Variants in TACC1 observed in about 807,000 individuals in gnomAD.
The protein encoded by TACC1 is transforming acidic coiled-coil containing protein 1.
A neutral mutation model predicts 84.4 loss-of-function variants in TACC1; 48 were observed. The ratio of observed to expected loss-of-function variants is 0.57; its 90% CI spans 0.45 to 0.72. The LOEUF is 0.72. Ranked by LOEUF, TACC1 falls within the 30% of genes least tolerant of loss-of-function variation. TACC1 has a pLI of 0.00. For synonymous variants in TACC1, 372 were observed against 376.3 expected, an observed-to-expected ratio of 0.99 and a Z score of 0.13; for missense variants, 920 against 973.0, an observed-to-expected ratio of 0.95 and a Z score of 0.72.
At chr8:38,753,956 T>C (rs192043775) in intron 3 of TACC1, among the ~76,000 whole-genome samples, 2,396 of 140,808 alleles carry the variant, frequency 0.017, 45 homozygotes, top group Non-Finnish European at 0.025. Flanking sequence ...CTTTCATTTT[T>C]TGGGTTTTTT....
chr8:38,790,305 C>T (rs554072879), intron 2 of TACC1, among the ~76,000 whole-genome samples: 27 of 152,302 alleles, frequency 1.8e-4, no homozygotes, highest in Non-Finnish European at 2.4e-4. Context: ...CTCATCTTAA[C>T]TTGGTAACAT....
intron 3 of TACC1, among the ~76,000 whole-genome samples, chr8:38,774,176 AGT>A (rs1180646228): frequency 2.0e-5 from 3 of 152,216 alleles, no homozygotes; most frequent in Non-Finnish European, 4.4e-5. Flanking sequence ...CTGAGGCTTC[AGT>A]CTGTCACTCC....
At chr8:38,752,526 C>A (rs1354565752) in intron 3 of TACC1, among the ~76,000 whole-genome samples, 2 of 151,696 alleles carry the variant, frequency 1.3e-5, no homozygotes, top group Non-Finnish European at 2.9e-5. Flanking sequence ...CAAAAAACAA[C>A]AAAAAAAACC....
intron 9 of TACC1, among the ~76,000 whole-genome samples, chr8:38,840,799 C>T (rs1429762802): frequency 6.6e-6 from 1 of 152,150 alleles, no homozygotes; most frequent in Non-Finnish European, 1.5e-5. Flanking sequence ...CCTGTAATCC[C>T]AGCACTTTGG....
At chr8:38,747,658 G>C (rs117848326) in intron 3 of TACC1, among the ~76,000 whole-genome samples, 395 of 152,280 alleles carry the variant, frequency 2.6e-3, no homozygotes, top group Admixed American at 5.8e-3. Flanking sequence ...CAAAACCATG[G>C]AGACAAAAAG....
At chr8:38,756,420 C>T (rs1047142127) in intron 3 of TACC1, among the ~76,000 whole-genome samples, 1 of 151,876 alleles carries the variant, frequency 6.6e-6, no homozygotes, top group Non-Finnish European at 1.5e-5. Context: ...CTGGAAAAAG[C>T]GCTAGAATAA....
At chr8:38,755,159 CAA>C (rs35992046) in intron 3 of TACC1, among the ~76,000 whole-genome samples, 248 of 72,300 alleles carry the variant, frequency 3.4e-3, no homozygotes, top group African/African-American at 0.011. Flanking sequence ...GACTCCATCT[CAA>C]AAAAAAAAAA....
At chr8:38,827,445 G>A in intron 5 of TACC1, 70 bp downstream of exon 5, 1 of 1,508,842 alleles carries the variant, frequency 6.6e-7, no homozygotes, top group East Asian at 2.3e-5. Flanking sequence ...AATAAAGCAG[G>A]AGGAGCCTTA....
At position 38,848,076 on chromosome 8, in the gene TACC1, C is replaced by G; in HGVS notation, c.*53C>G. The stretch of plus-strand genomic sequence containing the variant: ...CTGCATTTGGCTGCTTCTCTTGTGA[C>G]CACAATTATCTTGCCTTATCCAGGA... On this transcript the variant is annotated 3_prime_UTR_variant, in exon 13 of 13. Coordinates refer to ENST00000317827, the MANE Select transcript of TACC1 (RefSeq NM_006283.3). 1 of 1,526,550 alleles carries G rather than the reference C, an allele frequency of 6.6e-7. No individual in the cohort carries two copies. Among genetic ancestry groups the G allele is most frequent in the Admixed American group, 1.8e-5 (1 of 56,524 alleles). The allele number at this position is 1,526,550 out of a possible 1,614,324, so 94.6% of individuals were successfully genotyped here. A position where few individuals can be genotyped will look rare whatever the true frequency, so the allele number is the denominator to read the frequency against.
chr8:38,788,927 A>G, intron 2 of TACC1, 108 bp downstream of exon 2: 2 of 881,828 alleles, frequency 2.3e-6, no homozygotes, highest in Non-Finnish European at 3.5e-6. Context: ...AGAGAGTTTG[A>G]CTAAGAAAGA....
intron 1 of TACC1, among the ~76,000 whole-genome samples, chr8:38,741,924 C>T (rs1051636390): frequency 6.6e-6 from 1 of 152,146 alleles, no homozygotes; most frequent in Non-Finnish European, 1.5e-5. Flanking sequence ...TCAGAAAGAG[C>T]ACACTGTCCC....
At chr8:38,764,450 TC>T (rs1811840165) in intron 3 of TACC1, among the ~76,000 whole-genome samples, 1 of 146,802 alleles carries the variant, frequency 6.8e-6, no homozygotes, top group Non-Finnish European at 1.5e-5. Flanking sequence ...AAAAAAGCAA[TC>T]CTGTTTTAAT....
intron 6 of TACC1, among the ~76,000 whole-genome samples, chr8:38,835,171 G>A (rs111262714): frequency 0.033 from 5,030 of 151,600 alleles, 116 homozygotes; most frequent in Middle Eastern, 0.068. Flanking sequence ...GGAGAATGGC[G>A]TGAACCCGGG....
rs376299493 is a variant in TACC1, at chr8:38,770,801, G to A, written c.27-17903G>A. ...AGTCTCTTCGGTATCCCTGAGAGTCGGGGGAACTCTTTAAATGCGGCCCTT... is the reference window on the plus strand; with the variant it reads ...AGTCTCTTCGGTATCCCTGAGAGTCAGGGGAACTCTTTAAATGCGGCCCTT... On this transcript the variant is annotated intron_variant, in intron 3 of 14. Transcript: ENST00000518415. 5.3e-5 allele frequency among the ~76,000 whole-genome samples: 8 copies of A among 152,174 alleles called. 1 individual carries two copies. The highest frequency in any genetic ancestry group is 2.6e-4 in the Admixed American group (4 of 15,288).
intron 6 of TACC1, among the ~76,000 whole-genome samples, chr8:38,834,164 A>G (rs1040404316): frequency 2.0e-5 from 3 of 152,310 alleles, no homozygotes; most frequent in Middle Eastern, 3.4e-3. Flanking sequence ...AGGCTGTGCA[A>G]TCCAGGTGTT....
In TACC1 at chr8:38,787,239, T is replaced by TCCGCGAGCCGGGAGC. The variant is rs1384717809; in HGVS notation, c.-343_-329dup. ...CGCCCCGCCGGCCGGGAGGCGGGAGTCCGCGAGCCGGGAGCGGGAGCAGCA... is the reference window on the plus strand; with the variant it reads ...CGCCCCGCCGGCCGGGAGGCGGGAGTCCGCGAGCCGGGAGCCCGCGAGCCGGGAGCGGGAGCAGCA... On this transcript the variant is annotated 5_prime_UTR_variant, in exon 1 of 13. Coordinates refer to ENST00000317827, the MANE Select transcript of TACC1 (RefSeq NM_006283.3). 1 of 1,011,846 alleles carries TCCGCGAGCCGGGAGC rather than the reference T, an allele frequency of 9.9e-7. No individual in the cohort carries two copies. The highest frequency in any genetic ancestry group is 1.2e-6 in the Non-Finnish European group (1 of 848,286). 62.7% of individuals were successfully genotyped at this position (1,011,846 alleles called of 1,614,324 possible).
At chr8:38,742,378 G>T in exon 2 of TACC1, 2 of 1,492,786 alleles carry the variant, frequency 1.3e-6, no homozygotes, top group Non-Finnish European at 1.8e-6. Context: ...CCAGAGAGAG[G>T]TCCTGGTCTT....
At chr8:38,783,963 TG>T (rs1816642272), upstream of TACC1, among the ~76,000 whole-genome samples, 1 of 152,218 alleles carries the variant, frequency 6.6e-6, no homozygotes, top group Non-Finnish European at 1.5e-5. Flanking sequence ...GGTCAGATGC[TG>T]TTATTGGCAA....
Position 38,819,948 on chromosome 8 carries a change from C to T in TACC1, c.704C>T (p.Pro235Leu), listed in dbSNP as rs201280385. Residue 235 changes from proline (P) to leucine (L), a missense_variant, in exon 3 of 13, where the codon CCT becomes CTT. Physicochemically the swap from Pro to Leu is moderately conservative, Grantham distance 98. Transcript: ENST00000317827. ...AGAAGCAAGCTGAGAAAGCCCAAGC[C>T]TGTCCCCCTGAGGAAGAAAGCAATT... Reference protein sequence around the residue: ...SRRSKLRKPKPVPLRKKAIGG... With the variant: ...SRRSKLRKPKLVPLRKKAIGG... 137 of 1,614,074 alleles carry T rather than the reference C, an allele frequency of 8.5e-5. No individual in the cohort carries two copies. The highest frequency in any genetic ancestry group is 1.1e-4 in the Non-Finnish European group (133 of 1,180,050).
Sources: gnomAD v4.1 joint callset for allele counts (sites outside exome capture counted in the v4.1 genomes callset) on GRCh38, gnomAD v4.1.1 for gene constraint, MANE v1.5 for transcripts, NCBI Gene and HGNC (gene_info 2026-07-23, HGNC 2026-07-21) for gene names.